The following PPFIA2 variants were observed in gnomAD, a reference collection of about 807,000 sequenced individuals.
The protein encoded by PPFIA2 is PPFI scaffold protein A2, also known as liprin-alpha-2.
Under a neutral mutation model 175.5 loss-of-function variants are expected in PPFIA2, and 46 were observed. The observed-to-expected ratio is 0.26, with a 90% confidence interval of 0.21 to 0.34. The LOEUF is 0.34. Ranked by LOEUF, PPFIA2 falls within the 10% of genes least tolerant of loss-of-function variation. The pLI, the probability that PPFIA2 is intolerant of heterozygous loss-of-function variation, is 1.00. For missense variants in PPFIA2, 1,179 were observed against 1,506.1 expected, an observed-to-expected ratio of 0.78 and a Z score of 3.60; for synonymous variants, 568 against 511.4, an observed-to-expected ratio of 1.11 and a Z score of -1.49.
chr12:81,285,799 T>C (rs2043186541), intron 24 of PPFIA2, among the ~76,000 whole-genome samples: 1 of 152,146 alleles, frequency 6.6e-6, no homozygotes, highest in African/African-American at 2.4e-5. Context: ...GTTTATGTAT[T>C]TACCACACCA....
rs144688905 is a variant in PPFIA2 at position 81,621,745 on chromosome 12, G to C, written c.303+55046C>G. Among the ~76,000 whole-genome samples the C allele has an allele frequency of 1.2e-4, 19 of 152,272 alleles. No individual in the cohort carries two copies. The East Asian group carries it at 3.7e-3, about 29-fold the overall frequency. ...GAATCAGGTTGTCATCAGCTGAGATGGAGAAAACTACAGAAGTATCAGGTT... is the reference window on the plus strand; with the variant it reads ...GAATCAGGTTGTCATCAGCTGAGATCGAGAAAACTACAGAAGTATCAGGTT... On this transcript the variant is annotated intron_variant, in intron 4 of 32. Coordinates refer to ENST00000549396, the MANE Select transcript of PPFIA2 (RefSeq NM_003625.5).
intron 22 of PPFIA2, chr12:81,302,105 T>C (rs1158074246): frequency 2.9e-6 from 1 of 343,934 alleles, no homozygotes. Flanking sequence ...TCAGTGTTTA[T>C]ATTTAGGTGC....
intron 21 of PPFIA2, among the ~76,000 whole-genome samples, chr12:81,328,713 G>A (rs543603584): frequency 6.6e-6 from 1 of 151,964 alleles, no homozygotes; most frequent in Admixed American, 6.6e-5. Context: ...ATTTTTTTGG[G>A]TATTATAATG....
rs1201160730 is a variant in PPFIA2 at position 81,672,540 on chromosome 12, C to G, written c.303+4251G>C. Among the ~76,000 whole-genome samples the G allele has an allele frequency of 5.9e-5, 9 of 151,662 alleles. No homozygotes were observed. In the East Asian group the frequency reaches 1.8e-3, roughly 30 times the overall value. On this transcript the variant is annotated intron_variant, in intron 4 of 32. Coordinates refer to ENST00000549396, the MANE Select transcript of PPFIA2 (RefSeq NM_003625.5). ...GTTCAGGACAGTGTGCATATCAAGC[C>G]CAAGGATATGAATTAGATGGGTAAT...
intron 4 of PPFIA2, among the ~76,000 whole-genome samples, chr12:81,517,966 C>T (rs527286022): frequency 6.6e-6 from 1 of 150,760 alleles, no homozygotes; most frequent in Admixed American, 6.6e-5. Context: ...GGGAGGGATA[C>T]CATTAGGAGA....
intron 4 of PPFIA2, among the ~76,000 whole-genome samples, chr12:81,520,655 C>T (rs1049006302): frequency 3.3e-5 from 5 of 152,170 alleles, no homozygotes; most frequent in Admixed American, 2.6e-4. Flanking sequence ...ACAAGACAGA[C>T]AAGGTGACTG....
intron 4 of PPFIA2, among the ~76,000 whole-genome samples, chr12:81,582,379 C>T (rs1430999525): frequency 6.6e-6 from 1 of 151,768 alleles, no homozygotes; most frequent in Non-Finnish European, 1.5e-5. Context: ...GGCAGCATTT[C>T]ATATTAAATA....
At chr12:81,389,733 C>T (rs1163474159) in intron 8 of PPFIA2, among the ~76,000 whole-genome samples, 1 of 151,970 alleles carries the variant, frequency 6.6e-6, no homozygotes, top group Admixed American at 6.6e-5. Flanking sequence ...TAAATTGTGG[C>T]ACTTTAATTT....
rs148961339 is a variant in PPFIA2, at chr12:81,439,147, TTCTC to T, written c.645+821_645+824del. ...TTTTAATGGCTGACACAGGTTAAAC[TTCTC>T]TCTCTCTCTCTCTCCCTCTCTCTCT... is the stretch of plus-strand genomic sequence containing the variant. On this transcript the variant is annotated intron_variant, in intron 7 of 32. Coordinates refer to ENST00000549396, the MANE Select transcript of PPFIA2 (RefSeq NM_003625.5). 6.8e-5 allele frequency among the ~76,000 whole-genome samples: 10 copies of T among 147,914 alleles called. No homozygotes were observed. In the South Asian group the frequency reaches 1.1e-3, roughly 16 times the overall value.
chr12:81,461,548 A>G (rs2054540241), intron 4 of PPFIA2, among the ~76,000 whole-genome samples: 1 of 152,050 alleles, frequency 6.6e-6, no homozygotes, highest in East Asian at 1.9e-4. Flanking sequence ...AAATGTCAGA[A>G]TTCACATTTG....
At chr12:81,304,726 A>G (rs1338005184) in intron 22 of PPFIA2, among the ~76,000 whole-genome samples, 2 of 152,102 alleles carry the variant, frequency 1.3e-5, no homozygotes, top group East Asian at 3.9e-4. Flanking sequence ...GAATTGAAGG[A>G]CACGGGAGTT....
At chr12:81,684,246 C>T (rs544619967) in intron 3 of PPFIA2, among the ~76,000 whole-genome samples, 7 of 152,140 alleles carry the variant, frequency 4.6e-5, no homozygotes, top group African/African-American at 1.4e-4. Flanking sequence ...CTGACAAACT[C>T]GGAGACTATA....
chr12:81,595,893 T>A (rs2059192009), intron 4 of PPFIA2, among the ~76,000 whole-genome samples: 1 of 152,128 alleles, frequency 6.6e-6, no homozygotes, highest in Non-Finnish European at 1.5e-5. Flanking sequence ...TTTGCATATG[T>A]TAACTCCTGT....
chr12:81,584,533 G>C (rs1268091189), intron 4 of PPFIA2, among the ~76,000 whole-genome samples: 2 of 151,456 alleles, frequency 1.3e-5, no homozygotes, highest in East Asian at 1.9e-4. Context: ...TGACTGGCTT[G>C]TGTTCTGAGA....
intron 4 of PPFIA2, among the ~76,000 whole-genome samples, chr12:81,659,246 G>T (rs181335265): frequency 6.6e-6 from 1 of 152,200 alleles, no homozygotes; most frequent in East Asian, 1.9e-4. Context: ...CACCAAGTGT[G>T]AGCCGAAGCA....
chr12:81,651,416 T>A (rs567127350), intron 4 of PPFIA2, among the ~76,000 whole-genome samples: 3 of 152,194 alleles, frequency 2.0e-5, no homozygotes, highest in Non-Finnish European at 2.9e-5. Flanking sequence ...TTCAAAAAAA[T>A]TTGAGTAAAT....
At chr12:81,432,901 C>A (rs17008559) in intron 7 of PPFIA2, among the ~76,000 whole-genome samples, 1 of 151,730 alleles carries the variant, frequency 6.6e-6, no homozygotes, top group East Asian at 1.9e-4. Context: ...GTTAACCAAA[C>A]GCATCAAATT....
At chr12:81,579,656 T>C (rs2074106969) in intron 4 of PPFIA2, among the ~76,000 whole-genome samples, 1 of 151,850 alleles carries the variant, frequency 6.6e-6, no homozygotes, top group African/African-American at 2.4e-5. Flanking sequence ...AATAATTAAA[T>C]GACTTCATCA....
intron 4 of PPFIA2, among the ~76,000 whole-genome samples, chr12:81,488,399 C>G (rs919567953): frequency 2.0e-5 from 3 of 151,614 alleles, no homozygotes; most frequent in African/African-American, 7.3e-5. Flanking sequence ...TCTGTCATAA[C>G]AGGGGATTTC....
Sources: gnomAD v4.1 joint callset for allele counts (sites outside exome capture counted in the v4.1 genomes callset) on GRCh38, gnomAD v4.1.1 for gene constraint, MANE v1.5 for transcripts, NCBI Gene and HGNC (gene_info 2026-07-23, HGNC 2026-07-21) for gene names.